Variants in PHKB observed in about 807,000 individuals in gnomAD.
PHKB encodes phosphorylase kinase regulatory subunit beta, also known as phosphorylase b kinase regulatory subunit beta.
In PHKB, 122 loss-of-function variants were observed where a neutral mutation model predicts 152.1. The observed-to-expected ratio is 0.80, with a 90% CI of 0.69 to 0.93. The LOEUF (loss-of-function observed/expected upper bound fraction) is 0.93. Among genes scored for constraint, PHKB ranks in the 40% least tolerant of loss-of-function variants. The pLI, the probability that PHKB is intolerant of heterozygous loss-of-function variation, is 0.00. For synonymous variants in PHKB, 436 were observed against 464.9 expected, an observed-to-expected ratio of 0.94 and a Z score of 0.80; for missense variants, 1,304 against 1,328.4, an observed-to-expected ratio of 0.98 and a Z score of 0.29.
At chr16:47,499,951 G>A (rs1970297599) in intron 3 of PHKB, 57 bp downstream of exon 3, 2 of 1,598,016 alleles carry the variant, frequency 1.3e-6, no homozygotes, top group Admixed American at 1.7e-5. Context: ...GGTTTTGTAG[G>A]ACCAAGACTA....
intron 14 of PHKB, among the ~76,000 whole-genome samples, chr16:47,635,191 A>T (rs762357252): frequency 6.6e-6 from 1 of 152,210 alleles, no homozygotes; most frequent in African/African-American, 2.4e-5. Flanking sequence ...ACAGTATACT[A>T]TAATGGATAA....
Position 47,700,611 on chromosome 16 carries a change from C to T in PHKB, c.*1245C>T, listed in dbSNP as rs1974232012. The stretch of plus-strand genomic sequence containing the variant: ...CATTTAGTTGCCCAGTTTACTTAAA[C>T]TTTAATGAAAGTAGAAAGTAGATTA... On this transcript the variant is annotated 3_prime_UTR_variant, in exon 31 of 31. Transcript: ENST00000323584. The T allele has an allele frequency of 6.6e-6, 1 of 151,620 alleles. No individual in the cohort carries two copies. The highest frequency in any genetic ancestry group is 6.6e-5 in the Admixed American group (1 of 15,212). The allele number at this position is 151,620 out of a possible 1,614,324, so 9.4% of individuals were successfully genotyped here. A position where few individuals can be genotyped will look rare whatever the true frequency, so the allele number is the denominator to read the frequency against.
chr16:47,605,215 T>C (rs931139489), intron 13 of PHKB, among the ~76,000 whole-genome samples: 5 of 152,234 alleles, frequency 3.3e-5, no homozygotes, highest in African/African-American at 1.2e-4. Flanking sequence ...GAGTGCCTAC[T>C]AGGTGCTGGT....
chr16:47,543,224 A>C (rs529221372), intron 6 of PHKB, among the ~76,000 whole-genome samples: 8 of 152,184 alleles, frequency 5.3e-5, no homozygotes, highest in Non-Finnish European at 1.2e-4. Context: ...CTGTTGGAAT[A>C]TTGTCAAAGG....
chr16:47,547,651 A>AT, intron 7 of PHKB, 103 bp downstream of exon 7: 1 of 729,914 alleles, frequency 1.4e-6, no homozygotes, highest in South Asian at 1.6e-5. Context: ...TCATATGTTA[A>AT]TTTGTAGCAA....
intron 4 of PHKB, among the ~76,000 whole-genome samples, chr16:47,505,185 C>G (rs558551001): frequency 6.6e-5 from 10 of 152,304 alleles, no homozygotes; most frequent in African/African-American, 2.2e-4. Context: ...TACTCTCACA[C>G]TTTAGTTGGG....
chr16:47,510,302 G>A (rs376142172), intron 4 of PHKB, among the ~76,000 whole-genome samples: 12 of 152,096 alleles, frequency 7.9e-5, no homozygotes, highest in East Asian at 5.8e-4. Flanking sequence ...CTTTCTGCAC[G>A]TCCCCTGAAG....
intron 1 of PHKB, among the ~76,000 whole-genome samples, chr16:47,490,984 A>G (rs979904088): frequency 6.6e-6 from 1 of 152,210 alleles, no homozygotes; most frequent in Admixed American, 6.5e-5. Flanking sequence ...CCAATACTTT[A>G]CATTTTCCTA....
At chr16:47,669,188 T>C in intron 25 of PHKB, 27 bp from the exon 26 acceptor site, 1 of 1,580,642 alleles carries the variant, frequency 6.3e-7, no homozygotes, top group Non-Finnish European at 8.7e-7. Flanking sequence ...CTAGGAGAAT[T>C]TTACAATAAA....
intron 6 of PHKB, among the ~76,000 whole-genome samples, chr16:47,533,210 G>T (rs1015474478): frequency 1.3e-5 from 2 of 152,140 alleles, no homozygotes; most frequent in African/African-American, 4.8e-5. Flanking sequence ...TAGTCATCCC[G>T]ATGCCTGCTC....
Position 47,696,446 on chromosome 16 carries a change from G to A in PHKB, c.2961G>A (p.Leu987=), listed in dbSNP as rs1355855869. The A allele has an allele frequency of 2.5e-6, 4 of 1,609,124 alleles. 1 individual carries two copies. In the South Asian group the frequency reaches 4.4e-5, roughly 18 times the overall value. ...TCTCTCTCCTTGTTGAAGACACGTT[G>A]GGAAATATTGACCAGCCACAGTACA... ...MNFSLLVEDT[L]GNIDQPQYRQ... is the part of the protein sequence containing the mutation. The change falls in exon 29 of 31, where the codon TTG becomes TTA. Residue 987 remains leucine (L), a synonymous_variant. Coordinates refer to ENST00000323584, the MANE Select transcript of PHKB (RefSeq NM_000293.3).
Position 47,611,960 on chromosome 16 carries a change from C to T in PHKB, c.1458+1040C>T, listed in dbSNP as rs577882339. ...GGTATTTGGCCTTTATCTTAGTTAC[C>T]GCTCATGTTGGTACAATTGGCAGAG... On this transcript the variant is annotated intron_variant, in intron 14 of 30. Transcript: ENST00000323584. Among the ~76,000 whole-genome samples, 5 of 152,226 alleles carry T rather than the reference C, an allele frequency of 3.3e-5. No individual in the cohort carries two copies. The South Asian group carries it at 1.0e-3, about 32-fold the overall frequency.
intron 8 of PHKB, among the ~76,000 whole-genome samples, chr16:47,583,900 G>C (rs114105786): frequency 2.0e-5 from 3 of 151,918 alleles, no homozygotes; most frequent in African/African-American, 7.3e-5. Context: ...AGTGTGAAAG[G>C]CTTGCCTTTT....
chr16:47,652,392 T>G (rs1245574748), intron 20 of PHKB, among the ~76,000 whole-genome samples: 1 of 150,824 alleles, frequency 6.6e-6, no homozygotes, highest in African/African-American at 2.4e-5. Flanking sequence ...TTTTTTTTTT[T>G]TTTTTAATAC....
chr16:47,522,896 C>T (rs1970708681), intron 6 of PHKB, among the ~76,000 whole-genome samples: 1 of 150,396 alleles, frequency 6.6e-6, no homozygotes, highest in African/African-American at 2.4e-5. Context: ...GGTGGGAAAA[C>T]ATCCTTGGTA....
chr16:47,501,056 T>C (rs1970317064), intron 3 of PHKB, among the ~76,000 whole-genome samples: 1 of 152,220 alleles, frequency 6.6e-6, no homozygotes. Context: ...AAGGACAATA[T>C]GGCTTTATTA....
At position 47,475,311 on chromosome 16, in the gene PHKB, G is replaced by T. The variant is rs114185516; in HGVS notation, c.76+13885G>T. On this transcript the variant is annotated intron_variant, in intron 1 of 30. Transcript: ENST00000323584. ...TTGCTGATATATTTTGAAGATGGAA[G>T]TTGGGACATCTCAAGTTCTAGCATG... is the stretch of plus-strand genomic sequence containing the variant. Among the ~76,000 whole-genome samples the T allele has an allele frequency of 8.4e-3, 1,283 of 152,292 alleles. 22 individuals carry two copies. The highest frequency in any genetic ancestry group is 0.03 in the African/African-American group (1,229 of 41,556).
intron 6 of PHKB, among the ~76,000 whole-genome samples, chr16:47,543,970 TTC>T (rs1381744817): frequency 3.3e-5 from 5 of 152,182 alleles, no homozygotes; most frequent in African/African-American, 7.2e-5. Flanking sequence ...ACATTGATTC[TTC>T]TCTCTTTTCT....
intron 13 of PHKB, 41 bp downstream of exon 13, chr16:47,596,572 A>G (rs910456584): frequency 3.2e-6 from 5 of 1,576,032 alleles, no homozygotes; most frequent in Non-Finnish European, 4.4e-6. Context: ...TTTCCTTGTT[A>G]TTAAGCTATT....
Sources: gnomAD v4.1 joint callset for allele counts (sites outside exome capture counted in the v4.1 genomes callset) on GRCh38, gnomAD v4.1.1 for gene constraint, MANE v1.5 for transcripts, NCBI Gene and HGNC (gene_info 2026-07-23, HGNC 2026-07-21) for gene names.